STK32B: variants seen among roughly 807,000 people sequenced by gnomAD.
The protein encoded by STK32B is serine/threonine-protein kinase 32B.
A neutral mutation model predicts 52.6 loss-of-function variants in STK32B; 43 were observed. The ratio of observed to expected loss-of-function variants is 0.82; its 90% CI spans 0.64 to 1.05. The LOEUF is 1.05. STK32B is among the 50% of genes least tolerant of loss of function. The pLI, the probability that STK32B is intolerant of heterozygous loss-of-function variation, is 0.00. For synonymous variants in STK32B, 238 were observed against 204.3 expected (o/e 1.17, Z -1.41); for missense variants, 621 against 534.6 (o/e 1.16, Z -1.59).
chr4:5,181,140 A>T (rs1014290842), intron 3 of STK32B, among the ~76,000 whole-genome samples: 1 of 152,176 alleles, frequency 6.6e-6, no homozygotes, highest in Admixed American at 6.5e-5. Context: ...CTAGCTGGCT[A>T]TGATGCTGCT....
At chr4:5,307,410 C>T (rs967218849) in intron 3 of STK32B, among the ~76,000 whole-genome samples, 1 of 152,072 alleles carries the variant, frequency 6.6e-6, no homozygotes, top group Non-Finnish European at 1.5e-5. Flanking sequence ...GTTCTTTCTT[C>T]TACTTGTTCA....
intron 3 of STK32B, among the ~76,000 whole-genome samples, chr4:5,230,173 A>G (rs1319040078): frequency 9.6e-6 from 1 of 103,872 alleles, no homozygotes; most frequent in African/African-American, 4.2e-5. Context: ...TCAAGCATGC[A>G]TTCCCTTTTT....
At chr4:5,190,266 C>G (rs13127326) in intron 3 of STK32B, among the ~76,000 whole-genome samples, 91,556 of 152,068 alleles carry the variant, frequency 0.6, 28,379 homozygotes, top group East Asian at 0.75. Flanking sequence ...TGATGATTTT[C>G]ATAGCTAACA....
chr4:5,498,929 C>G lies in STK32B; in HGVS notation c.1107-16C>G, dbSNP rs766141949. ...CCCATGCCGCACCACTAACTCAGAT[C>G]TGTGCTTGTTTGCAGGCTCAGGAGG... On this transcript the variant is annotated splice_polypyrimidine_tract_variant and intron_variant, in intron 11 of 11. Coordinates refer to ENST00000282908, the MANE Select transcript of STK32B (RefSeq NM_018401.3). The G allele has an allele frequency of 7.9e-5, 127 of 1,608,880 alleles. No individual in the cohort carries two copies. Among genetic ancestry groups the G allele is most frequent in the Non-Finnish European group, 1.0e-4 (120 of 1,177,354 alleles).
At chr4:5,403,565 T>C (rs1737456926) in intron 5 of STK32B, among the ~76,000 whole-genome samples, 1 of 152,208 alleles carries the variant, frequency 6.6e-6, no homozygotes, top group Admixed American at 6.5e-5. Flanking sequence ...CCTCACATTT[T>C]CTATTAATAC....
chr4:5,206,178 C>T (rs777200339), intron 3 of STK32B, among the ~76,000 whole-genome samples: 1 of 152,150 alleles, frequency 6.6e-6, no homozygotes, highest in Non-Finnish European at 1.5e-5. Context: ...TCATCATACC[C>T]AGCAAAAAGG....
chr4:5,250,711 A>T (rs1481723313), intron 3 of STK32B, among the ~76,000 whole-genome samples: 1 of 151,692 alleles, frequency 6.6e-6, no homozygotes, highest in African/African-American at 2.4e-5. Context: ...TTTCTCCTCA[A>T]CCTCTCCAGC....
At chr4:5,106,704 T>C (rs1321137965) in intron 1 of STK32B, among the ~76,000 whole-genome samples, 1 of 152,208 alleles carries the variant, frequency 6.6e-6, no homozygotes, top group African/African-American at 2.4e-5. Context: ...TAAGTTTCAT[T>C]GTCTCTTTTA....
intron 3 of STK32B, among the ~76,000 whole-genome samples, chr4:5,261,488 A>C (rs755178918): frequency 2.2e-4 from 33 of 152,182 alleles, no homozygotes; most frequent in Non-Finnish European, 1.2e-4. Flanking sequence ...ATCACCATTT[A>C]TTAAGACCCT....
At chr4:5,231,409 G>A (rs990230732) in intron 3 of STK32B, among the ~76,000 whole-genome samples, 28 of 152,108 alleles carry the variant, frequency 1.8e-4, no homozygotes, top group African/African-American at 6.5e-4. Context: ...CCAGGAGTTC[G>A]AGACCAGCCT....
intron 1 of STK32B, among the ~76,000 whole-genome samples, chr4:5,069,329 T>G (rs1006634360): frequency 2.6e-5 from 4 of 152,004 alleles, no homozygotes; most frequent in African/African-American, 9.7e-5. Context: ...AGCCCCACAC[T>G]TTCTTTTTGA....
At chr4:5,151,498 C>T (rs761951048) in intron 2 of STK32B, among the ~76,000 whole-genome samples, 3 of 152,240 alleles carry the variant, frequency 2.0e-5, no homozygotes, top group Admixed American at 6.5e-5. Context: ...GGAAAGAACA[C>T]ATGTGAATTC....
At chr4:5,247,260 G>T (rs1411267495) in intron 3 of STK32B, among the ~76,000 whole-genome samples, 1 of 152,024 alleles carries the variant, frequency 6.6e-6, no homozygotes, top group Non-Finnish European at 1.5e-5. Flanking sequence ...ACCTACTCAA[G>T]CCTGAGCAAT....
chr4:5,448,298 CT>C (rs1715656707), intron 7 of STK32B, among the ~76,000 whole-genome samples: 2 of 152,316 alleles, frequency 1.3e-5, no homozygotes, highest in Admixed American at 1.3e-4. Flanking sequence ...TGCTGCGGGG[CT>C]GCATAAGACA....
intron 1 of STK32B, among the ~76,000 whole-genome samples, chr4:5,110,536 G>C (rs1031949720): frequency 2.0e-5 from 3 of 151,830 alleles, no homozygotes; most frequent in Admixed American, 2.0e-4. Flanking sequence ...AAATGGTGCT[G>C]GGAAAACTGG....
At chr4:5,186,319 TGAG>T (rs1560207245) in intron 3 of STK32B, among the ~76,000 whole-genome samples, 2 of 152,150 alleles carry the variant, frequency 1.3e-5, no homozygotes, top group African/African-American at 4.8e-5. Context: ...GTGGGCCGCT[TGAG>T]GAAGGGGACC....
chr4:5,338,724 C>A (rs1732873119), intron 4 of STK32B, among the ~76,000 whole-genome samples: 1 of 152,206 alleles, frequency 6.6e-6, no homozygotes, highest in Non-Finnish European at 1.5e-5. Flanking sequence ...AATTTTAAGT[C>A]ATTCTCAAAT....
At chr4:5,343,067 G>A (rs555732169) in intron 4 of STK32B, among the ~76,000 whole-genome samples, 7 of 151,514 alleles carry the variant, frequency 4.6e-5, no homozygotes, top group East Asian at 3.9e-4. Flanking sequence ...GTCATTTAAC[G>A]TTAGGTATAT....
intron 1 of STK32B, among the ~76,000 whole-genome samples, chr4:5,073,117 G>A (rs1316769157): frequency 1.3e-5 from 2 of 151,976 alleles, no homozygotes; most frequent in Admixed American, 6.6e-5. Context: ...GGAAACCTCT[G>A]CCTTTTAATT....
Sources: allele counts gnomAD v4.1 joint callset (sites outside exome capture counted in the v4.1 genomes callset), GRCh38; gene constraint gnomAD v4.1.1; transcripts MANE v1.5; gene names NCBI Gene and HGNC (gene_info 2026-07-23, HGNC 2026-07-21).